GPC5: variants seen among roughly 807,000 people sequenced by gnomAD.
The protein encoded by GPC5 is glypican-5.
In GPC5, 47 loss-of-function variants were observed where a neutral mutation model predicts 53.9. The ratio of observed to expected loss-of-function variants is 0.87; its 90% CI spans 0.69 to 1.11. GPC5 has a LOEUF of 1.11. Ranked by LOEUF, GPC5 falls within the 50% of genes most tolerant of loss-of-function variation. GPC5 has a pLI of 0.00. For synonymous variants in GPC5, 286 were observed against 263.3 expected, an observed-to-expected ratio of 1.09 and a Z score of -0.84; for missense variants, 748 against 713.1, an observed-to-expected ratio of 1.05 and a Z score of -0.56.
chr13:91,833,087 A>T (rs948205734), intron 5 of GPC5, among the ~76,000 whole-genome samples: 8 of 152,170 alleles, frequency 5.3e-5, no homozygotes, highest in African/African-American at 9.7e-5. Context: ...ACAGAAATAC[A>T]AACTACCATC....
chr13:91,522,465 G>A (rs576879149), intron 2 of GPC5, among the ~76,000 whole-genome samples: 1 of 152,082 alleles, frequency 6.6e-6, no homozygotes, highest in Non-Finnish European at 1.5e-5. Context: ...TTTCCCCATA[G>A]CTGCGCACTC....
intron 5 of GPC5, among the ~76,000 whole-genome samples, chr13:91,761,876 T>A (rs922071855): frequency 4.6e-5 from 7 of 152,126 alleles, no homozygotes; most frequent in African/African-American, 1.7e-4. Context: ...CTCCCCTCCC[T>A]GGAGGTTGGT....
intron 6 of GPC5, among the ~76,000 whole-genome samples, chr13:92,096,048 T>G (rs1326816708): frequency 6.6e-6 from 1 of 152,234 alleles, no homozygotes; most frequent in Admixed American, 6.5e-5. Context: ...ATTTTTCTTC[T>G]ACTCTGTGTT....
chr13:91,513,597 C>T (rs915878438), intron 2 of GPC5, among the ~76,000 whole-genome samples: 1 of 152,044 alleles, frequency 6.6e-6, no homozygotes, highest in Non-Finnish European at 1.5e-5. Context: ...AAAAATTAGC[C>T]AGGCGTGATG....
chr13:92,784,359 A>G (rs2138765779), intron 7 of GPC5, among the ~76,000 whole-genome samples: 1 of 152,282 alleles, frequency 6.6e-6, no homozygotes, highest in South Asian at 2.1e-4. Flanking sequence ...AAGTTTATAA[A>G]AGAGTTTTTC....
chr13:91,770,365 T>A (rs2037600082), intron 5 of GPC5, among the ~76,000 whole-genome samples: 1 of 152,146 alleles, frequency 6.6e-6, no homozygotes, highest in Non-Finnish European at 1.5e-5. Context: ...CATCATCAAC[T>A]GATTAACTCC....
At chr13:91,976,761 C>G (rs576156889) in intron 6 of GPC5, among the ~76,000 whole-genome samples, 1 of 152,060 alleles carries the variant, frequency 6.6e-6, no homozygotes, top group African/African-American at 2.4e-5. Flanking sequence ...AAACAGAGGC[C>G]GAGCGCGGTG....
intron 7 of GPC5, among the ~76,000 whole-genome samples, chr13:92,639,972 T>TTCTCTC (rs1235990311): frequency 1.3e-5 from 2 of 148,450 alleles, no homozygotes; most frequent in African/African-American, 2.5e-5. Context: ...ATTTTTTTTT[T>TTCTCTC]TCTCTCTCTC....
Position 91,907,947 on chromosome 13 carries a change from C to A in GPC5, c.1291C>A (p.Arg431Ser), listed in dbSNP as rs76285944. ...CATTTCCCTTGCTAGTTATACTCAG[C>A]GTGTGGTTGGAAATGGAATCAAAGC... ...GEDIVKSYTQRVVGNGIKAQS... is the reference protein window; with the variant it reads ...GEDIVKSYTQSVVGNGIKAQS... The change falls in exon 6 of 8, where the codon CGT (arginine) becomes AGT (serine). Residue 431 changes from arginine to serine, a missense_variant. Arg to Ser is a moderately radical substitution (Grantham distance 110). Transcript: ENST00000377067. 5 of 1,594,598 alleles carry A rather than the reference C, an allele frequency of 3.1e-6. No homozygotes were observed. The South Asian group carries it at 5.5e-5, about 18-fold the overall frequency.
At chr13:91,913,842 G>A (rs1423290549) in intron 6 of GPC5, among the ~76,000 whole-genome samples, 1 of 152,150 alleles carries the variant, frequency 6.6e-6, no homozygotes, top group African/African-American at 2.4e-5. Flanking sequence ...CATGTTAAAT[G>A]TGGTATATCC....
intron 7 of GPC5, among the ~76,000 whole-genome samples, chr13:92,324,161 T>C (rs2043234703): frequency 6.6e-6 from 1 of 151,970 alleles, no homozygotes; most frequent in African/African-American, 2.4e-5. Flanking sequence ...CTTTATAATA[T>C]GACAGGGAAC....
intron 7 of GPC5, among the ~76,000 whole-genome samples, chr13:92,741,804 T>A (rs1386066490): frequency 6.6e-6 from 1 of 152,120 alleles, no homozygotes; most frequent in Non-Finnish European, 1.5e-5. Flanking sequence ...TTCTCATTGT[T>A]CAATTCCCGC....
At chr13:92,865,861 T>C (rs763013342) in intron 7 of GPC5, among the ~76,000 whole-genome samples, 4 of 152,170 alleles carry the variant, frequency 2.6e-5, no homozygotes, top group Admixed American at 6.6e-5. Flanking sequence ...AATTCTACTT[T>C]TAAAAAATAT....
intron 7 of GPC5, among the ~76,000 whole-genome samples, chr13:92,809,316 A>G (rs1680000212): frequency 6.6e-6 from 1 of 152,194 alleles, no homozygotes; most frequent in Admixed American, 6.6e-5. Flanking sequence ...AATGAGCCCC[A>G]TCATAGGCAT....
chr13:91,756,283 T>G lies in GPC5; in HGVS notation c.1155-12T>G. On this transcript the variant is annotated splice_polypyrimidine_tract_variant and intron_variant, in intron 4 of 7. Coordinates refer to ENST00000377067, the MANE Select transcript of GPC5 (RefSeq NM_004466.6). ...GTTTGGTTTTAATTGTTTTCTTTCT[T>G]CTTTCATTTAGAGAATTTATCAACA... is the stretch of plus-strand genomic sequence containing the variant. 2 of 1,475,598 alleles carry G rather than the reference T, an allele frequency of 1.4e-6. No homozygotes were observed. The highest frequency in any genetic ancestry group is 1.8e-6 in the Non-Finnish European group (2 of 1,097,684). The allele number at this position is 1,475,598 out of a possible 1,614,324, so 91.4% of individuals were successfully genotyped here.
intron 7 of GPC5, among the ~76,000 whole-genome samples, chr13:92,271,836 T>C (rs1033273871): frequency 2.6e-5 from 4 of 152,172 alleles, no homozygotes; most frequent in Admixed American, 6.5e-5. Flanking sequence ...TCCTCCAGTA[T>C]AAATATGGTC....
intron 6 of GPC5, among the ~76,000 whole-genome samples, chr13:91,934,363 G>A (rs1057335310): frequency 1.3e-5 from 2 of 151,696 alleles, no homozygotes; most frequent in Admixed American, 6.6e-5. Flanking sequence ...CTTTTTTGGG[G>A]GTAGGCTCAG....
intron 7 of GPC5, among the ~76,000 whole-genome samples, chr13:92,409,773 A>G (rs1875962300): frequency 1.3e-5 from 2 of 152,204 alleles, no homozygotes; most frequent in South Asian, 2.1e-4. Flanking sequence ...ACACTATGAA[A>G]TGGAAAACCT....
chr13:91,848,666 T>A (rs1258939477), intron 5 of GPC5, among the ~76,000 whole-genome samples: 1 of 152,240 alleles, frequency 6.6e-6, no homozygotes, highest in Non-Finnish European at 1.5e-5. Flanking sequence ...TGTTGTTAAC[T>A]ATATTTGGGA....
Sources: allele counts gnomAD v4.1 joint callset (sites outside exome capture counted in the v4.1 genomes callset), GRCh38; gene constraint gnomAD v4.1.1; transcripts MANE v1.5; gene names NCBI Gene and HGNC (gene_info 2026-07-23, HGNC 2026-07-21).